Variants in SLC8A1 observed in about 807,000 individuals in gnomAD.
The protein encoded by SLC8A1 is solute carrier family 8 member A1.
In SLC8A1, 18 loss-of-function variants were observed where a neutral mutation model predicts 68.3. That is an observed-to-expected ratio of 0.26 (90% CI 0.18 to 0.39). The LOEUF (loss-of-function observed/expected upper bound fraction) is 0.39, where lower values mean the gene tolerates loss of function less well. Among genes scored for constraint, SLC8A1 ranks in the 10% least tolerant of loss-of-function variants. SLC8A1 has a pLI of 1.00. For synonymous variants in SLC8A1, 475 were observed against 415.5 expected (o/e 1.14, Z -1.74); for missense variants, 985 against 1,156.7 (o/e 0.85, Z 2.15).
At chr2:40,123,085 AATGAT>A (rs2037281819) in intron 7 of SLC8A1, 1 of 152,334 alleles carries the variant, frequency 6.6e-6, no homozygotes, top group African/African-American at 2.4e-5. Context: ...CTCAAAAGGA[AATGAT>A]AAGACTCCAC....
intron 2 of SLC8A1, among the ~76,000 whole-genome samples, chr2:40,302,544 CATAT>C (rs1364999102): frequency 6.9e-6 from 1 of 145,556 alleles, no homozygotes; most frequent in Non-Finnish European, 1.5e-5. Context: ...ACACACATAT[CATAT>C]ATATGTATAT....
chr2:40,333,373 G>A (rs1304043438), intron 2 of SLC8A1, among the ~76,000 whole-genome samples: 1 of 150,640 alleles, frequency 6.6e-6, no homozygotes, highest in African/African-American at 2.5e-5. Flanking sequence ...GGGAGGTGGA[G>A]GTTGCAGTGG....
chr2:40,322,406 C>T (rs571634225), intron 2 of SLC8A1, among the ~76,000 whole-genome samples: 1 of 151,170 alleles, frequency 6.6e-6, no homozygotes, highest in African/African-American at 2.4e-5. Context: ...ACCTGTAATC[C>T]CAGTGCTTTG....
At chr2:40,318,963 A>G (rs544472017) in intron 2 of SLC8A1, among the ~76,000 whole-genome samples, 4 of 152,216 alleles carry the variant, frequency 2.6e-5, no homozygotes, top group African/African-American at 9.6e-5. Flanking sequence ...AATGTGAACA[A>G]TGATTCTATG....
chr2:40,313,113 T>G (rs1356835917), intron 2 of SLC8A1, among the ~76,000 whole-genome samples: 2 of 152,110 alleles, frequency 1.3e-5, no homozygotes, highest in African/African-American at 4.8e-5. Flanking sequence ...CCTCTCCAAG[T>G]AATCAATAAT....
chr2:40,352,456 G>T (rs1408444765), intron 2 of SLC8A1, among the ~76,000 whole-genome samples: 1 of 152,118 alleles, frequency 6.6e-6, no homozygotes, highest in Non-Finnish European at 1.5e-5. Flanking sequence ...AAGGCTTGTT[G>T]AGTTCTCTTT....
intron 7 of SLC8A1, among the ~76,000 whole-genome samples, chr2:40,116,003 G>T (rs558472024): frequency 6.6e-6 from 1 of 152,318 alleles, no homozygotes; most frequent in East Asian, 1.9e-4. Flanking sequence ...AAGGTGCCAT[G>T]CGGCTGTGCT....
chr2:40,196,995 T>C lies in SLC8A1; in HGVS notation c.1809-19140A>G, dbSNP rs114407151. Among the ~76,000 whole-genome samples the C allele has an allele frequency of 2.3e-3, 355 of 152,176 alleles. 1 individual carries two copies. Among genetic ancestry groups the C allele is most frequent in the African/African-American group, 8.0e-3 (331 of 41,546 alleles). On this transcript the variant is annotated intron_variant, in intron 2 of 7. Coordinates refer to ENST00000406785, the Ensembl canonical transcript of SLC8A1. ...TCTGCAGAGGGGGTGTTCTTTATGG[T>C]AGATCGATTTGTTCTGTAACTTGTA...
chr2:40,434,582 G>C (rs1015176187), intron 1 of SLC8A1, among the ~76,000 whole-genome samples: 1 of 152,022 alleles, frequency 6.6e-6, no homozygotes, highest in Non-Finnish European at 1.5e-5. Flanking sequence ...TTGCTGCCTG[G>C]CTTTCTTATA....
At chr2:40,255,976 G>C (rs1188790137) in intron 2 of SLC8A1, among the ~76,000 whole-genome samples, 1 of 152,198 alleles carries the variant, frequency 6.6e-6, no homozygotes, top group Non-Finnish European at 1.5e-5. Context: ...ATGGTACAGA[G>C]GTGTCAGTCT....
intron 2 of SLC8A1, among the ~76,000 whole-genome samples, chr2:40,284,412 T>A (rs1390774253): frequency 1.4e-5 from 2 of 147,302 alleles, no homozygotes; most frequent in African/African-American, 2.5e-5. Flanking sequence ...TATATTTATA[T>A]AGAGAGATCT....
intron 2 of SLC8A1, among the ~76,000 whole-genome samples, chr2:40,248,246 A>G (rs2062171793): frequency 6.6e-6 from 1 of 152,090 alleles, no homozygotes; most frequent in African/African-American, 2.4e-5. Context: ...TTGATTTCTA[A>G]GTTTCCCTAT....
intron 2 of SLC8A1, among the ~76,000 whole-genome samples, chr2:40,262,261 C>T (rs2064815921): frequency 6.6e-6 from 1 of 152,088 alleles, no homozygotes; most frequent in African/African-American, 2.4e-5. Flanking sequence ...GCACCCGGCC[C>T]TCTCTTCACT....
chr2:40,481,364 TCAGC>T (rs1704619840), intron 1 of SLC8A1, among the ~76,000 whole-genome samples: 1 of 152,240 alleles, frequency 6.6e-6, no homozygotes, highest in Admixed American at 6.5e-5. Context: ...GACATTGAAT[TCAGC>T]CATACCTGGC....
chr2:40,147,726 G>A (rs1038987566), intron 6 of SLC8A1, among the ~76,000 whole-genome samples: 1 of 152,154 alleles, frequency 6.6e-6, no homozygotes, highest in East Asian at 1.9e-4. Flanking sequence ...ATGTTAACAT[G>A]TATATAAAGG....
intron 2 of SLC8A1, among the ~76,000 whole-genome samples, chr2:40,211,592 C>G (rs1435488016): frequency 1.3e-5 from 2 of 152,138 alleles, no homozygotes; most frequent in African/African-American, 4.8e-5. Context: ...AAGAATCCCT[C>G]AGGGACAATG....
chr2:40,379,551 G>A (rs764655157), intron 2 of SLC8A1, among the ~76,000 whole-genome samples: 6 of 151,754 alleles, frequency 4.0e-5, no homozygotes, highest in East Asian at 1.9e-4. Context: ...AACCGAAGTC[G>A]CCCCCTTGCC....
chr2:40,420,313 G>A (rs1695126403), intron 2 of SLC8A1, among the ~76,000 whole-genome samples: 1 of 150,968 alleles, frequency 6.6e-6, no homozygotes, highest in Non-Finnish European at 1.5e-5. Context: ...AGCATCCCCT[G>A]ATACTAATTC....
chr2:40,502,014 A>G (rs980325851), intron 1 of SLC8A1, among the ~76,000 whole-genome samples: 2 of 151,974 alleles, frequency 1.3e-5, no homozygotes, highest in Admixed American at 1.3e-4. Context: ...CATCATCCTC[A>G]CAAGAATTTA....
Sources: allele counts gnomAD v4.1 joint callset (sites outside exome capture counted in the v4.1 genomes callset), GRCh38; gene constraint gnomAD v4.1.1; transcripts MANE v1.5; gene names NCBI Gene and HGNC (gene_info 2026-07-23, HGNC 2026-07-21).